Variants in NAA25 observed in about 807,000 individuals in gnomAD.
NAA25 encodes N-terminal acetyltransferase B complex subunit NAA25.
A neutral mutation model predicts 132.5 loss-of-function variants in NAA25; 30 were observed. The ratio of observed to expected loss-of-function variants is 0.23; its 90% CI spans 0.17 to 0.31. The LOEUF is 0.31. Ranked by LOEUF, NAA25 falls within the 10% of genes least tolerant of loss-of-function variation. The pLI is 1.00. For synonymous variants in NAA25, 359 were observed against 401.9 expected (o/e 0.89, Z 1.28); for missense variants, 771 against 1,150.4 (o/e 0.67, Z 4.77).
intron 10 of NAA25, 69 bp downstream of exon 10, chr12:112,071,826 C>CGGTGGTCGTCGT: frequency 8.0e-7 from 1 of 1,247,882 alleles, no homozygotes; most frequent in Non-Finnish European, 1.1e-6. Context: ...GTGTAGATCT[C>CGGTGGTCGTCGT]AACTAATGAA....
chr12:112,080,001 C>G (rs114106935), intron 5 of NAA25, among the ~76,000 whole-genome samples: 2,448 of 152,188 alleles, frequency 0.016, 58 homozygotes, highest in African/African-American at 0.056. Context: ...TACTCAAGGG[C>G]CAGGCGCGGT....
chr12:112,065,682 T>TAAAA (rs2078707170), intron 11 of NAA25: 2 of 151,624 alleles, frequency 1.3e-5, no homozygotes, highest in Non-Finnish European at 2.9e-5. Context: ...AATAAATAAA[T>TAAAA]AAAAAACTAG....
intron 21 of NAA25, chr12:112,039,871 T>C (rs371614552): frequency 1.9e-5 from 3 of 154,738 alleles, no homozygotes; most frequent in Admixed American, 6.5e-5. Flanking sequence ...TGTGTGCATG[T>C]ACATATATGT....
chr12:112,081,243 A>G, intron 4 of NAA25, 109 bp from the exon 5 acceptor site: 1 of 850,272 alleles, frequency 1.2e-6, no homozygotes, highest in Non-Finnish European at 1.9e-6. Context: ...ATATTTACAT[A>G]TCCCAGTTAG....
In NAA25 at chr12:112,027,154, T is replaced by C. The variant is rs1040972127; in HGVS notation, c.*2377A>G. The C allele has an allele frequency of 5.9e-5, 9 of 152,562 alleles. No individual in the cohort carries two copies. The highest frequency in any genetic ancestry group is 1.3e-4 in the Non-Finnish European group (9 of 68,016). 9.5% of individuals were successfully genotyped at this position (152,562 alleles called of 1,614,324 possible). A position where few individuals can be genotyped will look rare whatever the true frequency, so the allele number is the denominator to read the frequency against. On this transcript the variant is annotated 3_prime_UTR_variant, in exon 24 of 24. Transcript: ENST00000261745. ...AGTAGTCGTGATTTTTCTCCTTTCC[T>C]TTTTTAAATATCAGTTTACCACACA... is the stretch of plus-strand genomic sequence containing the variant.
rs1231326143 is a variant in NAA25, at chr12:112,048,191, A to T, written c.1880+101T>A. 2.0e-5 allele frequency: 23 copies of T among 1,170,836 alleles called. No individual in the cohort carries two copies. The Admixed American group carries it at 2.2e-4, about 11-fold the overall frequency. 72.5% of individuals were successfully genotyped at this position (1,170,836 alleles called of 1,614,324 possible). A position where few individuals can be genotyped will look rare whatever the true frequency, so the allele number is the denominator to read the frequency against. Reference sequence around the variant, plus strand: ...CTGTCTCTCTCCCTTTTTTCCCCCTATTTTACCTTAAGCCTGCCAATAACA... The same window carrying T: ...CTGTCTCTCTCCCTTTTTTCCCCCTTTTTTACCTTAAGCCTGCCAATAACA... On this transcript the variant is annotated intron_variant, in intron 16 of 23. Transcript: ENST00000261745.
At chr12:112,101,272 T>C (rs900827306) in intron 1 of NAA25, among the ~76,000 whole-genome samples, 4 of 152,226 alleles carry the variant, frequency 2.6e-5, no homozygotes, top group Non-Finnish European at 5.9e-5. Context: ...TGATGTGTAC[T>C]GTCATTTCAA....
At chr12:112,075,314 G>C (rs79436309) in intron 8 of NAA25, among the ~76,000 whole-genome samples, 1 of 151,766 alleles carries the variant, frequency 6.6e-6, no homozygotes, top group Non-Finnish European at 1.5e-5. Flanking sequence ...TCAGCTTCCC[G>C]AGGGGCTGGG....
intron 1 of NAA25, among the ~76,000 whole-genome samples, chr12:112,096,528 G>C (rs1168692502): frequency 6.6e-6 from 1 of 152,102 alleles, no homozygotes; most frequent in African/African-American, 2.4e-5. Context: ...AATAATGCTA[G>C]GTAAAAAGAT....
chr12:112,081,593 T>C (rs1344946524), intron 4 of NAA25, among the ~76,000 whole-genome samples: 2 of 152,208 alleles, frequency 1.3e-5, no homozygotes, highest in Admixed American at 6.5e-5. Flanking sequence ...GAAAATAATA[T>C]GGTTCCTTCA....
At chr12:112,034,020 A>G (rs1025938682) in intron 22 of NAA25, 1 of 152,220 alleles carries the variant, frequency 6.6e-6, no homozygotes, top group Non-Finnish European at 1.5e-5. Context: ...GGACAGTTCA[A>G]TATCAATAAA....
At chr12:112,080,965 C>CA in intron 5 of NAA25, 95 bp downstream of exon 5, 1 of 1,073,368 alleles carries the variant, frequency 9.3e-7, no homozygotes, top group South Asian at 1.3e-5. Context: ...GACCCTGTCT[C>CA]AAACAAAAAA....
At position 112,029,378 on chromosome 12, in the gene NAA25, T is replaced by A; in HGVS notation, c.*153A>T. On this transcript the variant is annotated 3_prime_UTR_variant, in exon 24 of 24. Transcript: ENST00000261745. Reference sequence around the variant, plus strand: ...ACAATAATTTAATCAGTTGTATATATTTAACACCTAAAAAAATTCACGATC... The same window carrying A: ...ACAATAATTTAATCAGTTGTATATAATTAACACCTAAAAAAATTCACGATC... 8.0e-7 allele frequency: 1 copy of A among 1,244,342 alleles called. No individual in the cohort carries two copies. The highest frequency in any genetic ancestry group is 1.1e-6 in the Non-Finnish European group (1 of 902,848). The allele number at this position is 1,244,342 out of a possible 1,614,324, so 77.1% of individuals were successfully genotyped here.
intron 10 of NAA25, 42 bp downstream of exon 10, chr12:112,071,843 ACTTGGGTATT>A: frequency 8.7e-7 from 1 of 1,143,098 alleles, no homozygotes; most frequent in Non-Finnish European, 1.1e-6. Flanking sequence ...TGAATATAGC[ACTTGGGTATT>A]AAGGGCATTC....
rs897574304 is a variant in NAA25, at chr12:112,092,247, G to GA, written c.144+803dup. 4.8e-3 allele frequency among the ~76,000 whole-genome samples: 647 copies of GA among 135,502 alleles called. 7 individuals carry two copies. Among genetic ancestry groups the GA allele is most frequent in the African/African-American group, 0.017 (613 of 37,088 alleles). 88.9% of individuals were successfully genotyped at this position (135,502 alleles called of 152,430 possible). On this transcript the variant is annotated intron_variant, in intron 2 of 23. Transcript: ENST00000261745. ...CACAGCAAGACTCCATCTCAAAAAAGAAAAAAAAAACGAAAAAAGAAATAC... is the reference window on the plus strand; with the variant it reads ...CACAGCAAGACTCCATCTCAAAAAAGAAAAAAAAAAACGAAAAAAGAAATAC...
intron 4 of NAA25, among the ~76,000 whole-genome samples, chr12:112,083,788 A>T (rs2079005931): frequency 6.6e-6 from 1 of 152,226 alleles, no homozygotes; most frequent in African/African-American, 2.4e-5. Context: ...TAATCCCTGC[A>T]CTTTGGGAAG....
intron 21 of NAA25, 32 bp from the exon 22 acceptor site, chr12:112,039,371 G>A (rs2078271074): frequency 1.6e-6 from 2 of 1,247,360 alleles, no homozygotes; most frequent in Admixed American, 4.0e-5. Flanking sequence ...TCACCAATAA[G>A]GATTACACTA....
chr12:112,098,789 G>C (rs1234615731), intron 1 of NAA25, among the ~76,000 whole-genome samples: 1 of 151,774 alleles, frequency 6.6e-6, no homozygotes, highest in African/African-American at 2.4e-5. Context: ...TTTGAGACTC[G>C]CTCTGTTGCC....
At chr12:112,048,026 T>C (rs1440592419) in intron 16 of NAA25, among the ~76,000 whole-genome samples, 1 of 152,120 alleles carries the variant, frequency 6.6e-6, no homozygotes, top group Non-Finnish European at 1.5e-5. Context: ...TCTTGATTTG[T>C]AGGGGAGGCG....
Sources: allele counts gnomAD v4.1 joint callset (sites outside exome capture counted in the v4.1 genomes callset), GRCh38; gene constraint gnomAD v4.1.1; transcripts MANE v1.5; gene names NCBI Gene and HGNC (gene_info 2026-07-23, HGNC 2026-07-21).